The following SPG7 variants were observed in gnomAD, a reference collection of about 807,000 sequenced individuals.
SPG7 encodes the protein SPG7 matrix AAA peptidase subunit, paraplegin, also known as mitochondrial inner membrane m-AAA protease component paraplegin.
Under a neutral mutation model 81.9 loss-of-function variants are expected in SPG7, and 103 were observed. The observed-to-expected ratio is 1.26, with a 90% CI of 1.07 to 1.48. The LOEUF (loss-of-function observed/expected upper bound fraction) is 1.48. Ranked by LOEUF, SPG7 falls within the 40% of genes most tolerant of loss-of-function variation. The pLI is 0.00. For synonymous variants in SPG7, 534 were observed against 444.2 expected (o/e 1.20, Z -2.54); for missense variants, 1,241 against 1,087.3 (o/e 1.14, Z -1.99).
At chr16:89,524,475 G>A (rs766072675) in intron 4 of SPG7, among the ~76,000 whole-genome samples, 2 of 152,124 alleles carry the variant, frequency 1.3e-5, no homozygotes, top group Non-Finnish European at 1.5e-5. Flanking sequence ...AGACAGTCTC[G>A]CTCTGTTGGC....
intron 4 of SPG7, 67 bp downstream of exon 4, chr16:89,524,314 G>C (rs1201331017): frequency 1.9e-6 from 3 of 1,544,062 alleles, no homozygotes; most frequent in Non-Finnish European, 2.6e-6. Flanking sequence ...GTGAGAGTGA[G>C]GCTGTGGGCT....
Position 89,530,649 on chromosome 16 carries a change from G to T in SPG7, c.862-34G>T, listed in dbSNP as rs4785690. 712,206 of 1,612,638 alleles carry T rather than the reference G, an allele frequency of 0.44. 161,422 individuals carry two copies. Among genetic ancestry groups the T allele is most frequent in the East Asian group, 0.69 (30,750 of 44,844 alleles). ...ATCGTGCTGCTGATTTCCTGACTTC[G>T]CCCAGCTCCTTGCACTTTGTTCTTT... On this transcript the variant is annotated intron_variant, in intron 6 of 16. Transcript: ENST00000645818.
intron 11 of SPG7, chr16:89,547,490 G>T (rs1029923860): frequency 2.1e-5 from 4 of 188,572 alleles, no homozygotes; most frequent in South Asian, 2.0e-4. Context: ...TGCTCCTGGC[G>T]CCGGCGCCTG....
intron 9 of SPG7, chr16:89,543,202 C>T (rs1247752710): frequency 2.0e-5 from 3 of 152,156 alleles, no homozygotes; most frequent in Non-Finnish European, 2.9e-5. Context: ...CCTCCTCGGC[C>T]TCCCAAAGTG....
At chr16:89,548,612 C>T (rs763250447) in intron 12 of SPG7, 10 of 316,480 alleles carry the variant, frequency 3.2e-5, no homozygotes, top group African/African-American at 6.5e-5. Context: ...TGGTCCCGAC[C>T]GTCAGTAGGA....
chr16:89,537,253 C>A, intron 9 of SPG7: 1 of 1,395,174 alleles, frequency 7.2e-7, no homozygotes, highest in East Asian at 2.7e-5. Context: ...GTTACGTCAG[C>A]CGGTCCATGG....
intron 9 of SPG7, among the ~76,000 whole-genome samples, chr16:89,534,210 C>CT (rs772453618): frequency 2.0e-5 from 3 of 152,188 alleles, no homozygotes; most frequent in Non-Finnish European, 2.9e-5. Flanking sequence ...CTGTCTGTCT[C>CT]TGAGTTTGAC....
chr16:89,542,831 G>A (rs2058512441), intron 9 of SPG7, among the ~76,000 whole-genome samples: 1 of 152,104 alleles, frequency 6.6e-6, no homozygotes, highest in Middle Eastern at 3.4e-3. Flanking sequence ...TCACCTCCTA[G>A]GCTCACATGG....
Position 89,556,932 on chromosome 16 carries a change from A to G in SPG7, c.2227A>G (p.Ile743Val). 1.2e-6 allele frequency: 2 copies of G among 1,614,102 alleles called. No homozygotes were observed. Among genetic ancestry groups the G allele is most frequent in the East Asian group, 2.2e-5 (1 of 44,876 alleles). ...LEKEVINYED[I>V]EALIGPPPHG... ...AAAGGAAGTGATAAACTATGAGGAC[A>G]TTGAGGCTCTCATTGGCCCGCCGCC... Residue 743 changes from isoleucine (I) to valine (V), a missense_variant, in exon 17 of 17, where the codon ATT becomes GTT. Ile to Val is a conservative substitution (Grantham distance 29, BLOSUM62 3). Coordinates refer to ENST00000645818, the MANE Select transcript of SPG7 (RefSeq NM_003119.4).
rs1567937156 is a variant in SPG7 at position 89,557,382 on chromosome 16, G to A, written c.*289G>A. 7 of 455,096 alleles carry A rather than the reference G, an allele frequency of 1.5e-5. No individual in the cohort carries two copies. The highest frequency in any genetic ancestry group is 6.4e-4 in the Middle Eastern group (1 of 1,574). 28.2% of individuals were successfully genotyped at this position (455,096 alleles called of 1,614,324 possible). A position where few individuals can be genotyped will look rare whatever the true frequency, so the allele number is the denominator to read the frequency against. On this transcript the variant is annotated 3_prime_UTR_variant, in exon 17 of 17. Transcript: ENST00000645818. Reference sequence around the variant, plus strand: ...CGAGTTCCCAGGGTTATAGACAGTCGTTCCCAGTGTGGCTGAGGCCACCCA... The same window carrying A: ...CGAGTTCCCAGGGTTATAGACAGTCATTCCCAGTGTGGCTGAGGCCACCCA...
At chr16:89,530,546 T>C in intron 6 of SPG7, 137 bp from the exon 7 acceptor site, 1 of 936,822 alleles carries the variant, frequency 1.1e-6, no homozygotes, top group Non-Finnish European at 1.8e-6. Flanking sequence ...CTCGTCAGCC[T>C]GACATGAGTG....
intron 3 of SPG7, chr16:89,519,077 G>A (rs1015087038): frequency 1.3e-5 from 2 of 151,838 alleles, no homozygotes; most frequent in South Asian, 2.1e-4. Context: ...TCCACCTCCC[G>A]GGTTCAAGCG....
At position 89,530,673 on chromosome 16, in the gene SPG7, T is replaced by A; in HGVS notation, c.862-10T>A. ...CGCCCAGCTCCTTGCACTTTGTTCT[T>A]TCTGCACAGAATCAGCTTAAAATGG... is the stretch of plus-strand genomic sequence containing the variant. On this transcript the variant is annotated splice_polypyrimidine_tract_variant and intron_variant, in intron 6 of 16. Coordinates refer to ENST00000645818, the MANE Select transcript of SPG7 (RefSeq NM_003119.4). The A allele has an allele frequency of 6.2e-7, 1 of 1,614,120 alleles. No homozygotes were observed. Among genetic ancestry groups the A allele is most frequent in the Non-Finnish European group, 8.5e-7 (1 of 1,180,006 alleles).
At chr16:89,516,632 G>A (rs751775435) in intron 3 of SPG7, among the ~76,000 whole-genome samples, 29 of 151,478 alleles carry the variant, frequency 1.9e-4, no homozygotes, top group Non-Finnish European at 2.8e-4. Flanking sequence ...AGGCCAAGGC[G>A]AGCAGATCAC....
At chr16:89,526,139 C>T (rs1401772052) in intron 4 of SPG7, among the ~76,000 whole-genome samples, 190 bp from the exon 5 acceptor site, 1 of 152,126 alleles carries the variant, frequency 6.6e-6, no homozygotes, top group Non-Finnish European at 1.5e-5. Context: ...TGCTTTTACA[C>T]CATTGTAAAA....
chr16:89,546,285 C>T (rs989521995), intron 10 of SPG7: 2 of 322,242 alleles, frequency 6.2e-6, no homozygotes, highest in South Asian at 2.5e-5. Flanking sequence ...GGGGTTTCAC[C>T]GTGTTGGCCA....
intron 9 of SPG7, among the ~76,000 whole-genome samples, chr16:89,534,382 C>T (rs1053701423): frequency 3.3e-5 from 5 of 152,216 alleles, no homozygotes; most frequent in Admixed American, 2.0e-4. Context: ...GTAGGGGCTG[C>T]GTCTTGTTAT....
chr16:89,528,282 C>T (rs2058292100), intron 5 of SPG7, among the ~76,000 whole-genome samples: 1 of 151,696 alleles, frequency 6.6e-6, no homozygotes, highest in Non-Finnish European at 1.5e-5. Flanking sequence ...GTCCCAGCTA[C>T]TCGGGAGGCT....
chr16:89,548,914 C>T, intron 12 of SPG7: 2 of 453,526 alleles, frequency 4.4e-6, no homozygotes, highest in South Asian at 1.6e-5. Context: ...GCGAGCTATC[C>T]CTGCGAGAAC....
Sources: allele counts gnomAD v4.1 joint callset (sites outside exome capture counted in the v4.1 genomes callset), GRCh38; gene constraint gnomAD v4.1.1; transcripts MANE v1.5; gene names NCBI Gene and HGNC (gene_info 2026-07-23, HGNC 2026-07-21).